Variants in CRTAC1 observed in about 807,000 individuals in gnomAD.
CRTAC1 encodes the protein cartilage acidic protein 1, also known as acidic secreted protein in cartilage.
Under a neutral mutation model 67.8 loss-of-function variants are expected in CRTAC1, and 37 were observed. The ratio of observed to expected loss-of-function variants is 0.55; its 90% confidence interval spans 0.42 to 0.72. The LOEUF (loss-of-function observed/expected upper bound fraction) is 0.72, where lower values mean the gene tolerates loss of function less well. CRTAC1 is among the 30% of genes least tolerant of loss of function. CRTAC1 has a pLI of 0.00. For synonymous variants in CRTAC1, 348 were observed against 371.0 expected, an observed-to-expected ratio of 0.94 and a Z score of 0.71; for missense variants, 780 against 931.6, an observed-to-expected ratio of 0.84 and a Z score of 2.12.
intron 3 of CRTAC1, among the ~76,000 whole-genome samples, chr10:97,925,543 G>A (rs1248086623): frequency 6.6e-6 from 1 of 150,890 alleles, no homozygotes; most frequent in Admixed American, 6.6e-5. Context: ...AGGAGTCAGA[G>A]TGAGTGTTGA....
At chr10:97,923,190 G>C (rs2136596112) in intron 4 of CRTAC1, 74 bp downstream of exon 4, 2 of 1,570,592 alleles carry the variant, frequency 1.3e-6, no homozygotes, top group Non-Finnish European at 1.7e-6. Context: ...TCTGTCAGGG[G>C]ACGTCTACAC....
intron 1 of CRTAC1, among the ~76,000 whole-genome samples, chr10:98,018,199 C>CAAAAAAAAAAAAAAAAAAA (rs71007373): frequency 2.1e-5 from 1 of 48,654 alleles, no homozygotes; most frequent in Non-Finnish European, 3.3e-5. Flanking sequence ...AAGATGCCCG[C>CAAAAAAAAAAAAAAAAAAA]AAAAAAAAAA....
chr10:97,959,010 T>TGCA (rs1349064079), intron 2 of CRTAC1, among the ~76,000 whole-genome samples: 1 of 152,198 alleles, frequency 6.6e-6, no homozygotes, highest in African/African-American at 2.4e-5. Flanking sequence ...GTGTCAGGCC[T>TGCA]GCAGCAGCAG....
In CRTAC1 at chr10:98,029,521, GGCGGCGGCA is replaced by G. The variant is rs199645822; in HGVS notation, c.24+919_24+927del. On this transcript the variant is annotated intron_variant, in intron 1 of 14. Coordinates refer to ENST00000370597, the MANE Select transcript of CRTAC1 (RefSeq NM_018058.7). This position sits in a 1 kb window ranked among gnomAD's most constrained non-coding sequence, Gnocchi z 4.7. Reference sequence around the variant, plus strand: ...CGGCGGCGGCGGCGGCGGCGGCGGCGGCGGCGGCAGCAGCAGCAATATTCATTAGTCATT... The same window carrying G: ...CGGCGGCGGCGGCGGCGGCGGCGGCGGCAGCAGCAATATTCATTAGTCATT... Among the ~76,000 whole-genome samples the G allele has an allele frequency of 0.017, 2,299 of 136,674 alleles. 50 individuals carry two copies. Among genetic ancestry groups the G allele is most frequent in the African/African-American group, 0.067 (1,858 of 27,590 alleles). The allele number at this position is 136,674 out of a possible 152,430, so 89.7% of individuals were successfully genotyped here.
At chr10:97,875,484 G>A (rs1273291817) in intron 14 of CRTAC1, among the ~76,000 whole-genome samples, 11 of 152,246 alleles carry the variant, frequency 7.2e-5, no homozygotes, top group Admixed American at 6.5e-5. Context: ...CATCTGTGGT[G>A]TTAACCAGCC....
chr10:98,028,569 GCGCAGCCA>G (rs1213385803), intron 1 of CRTAC1, among the ~76,000 whole-genome samples: 2 of 152,190 alleles, frequency 1.3e-5, no homozygotes, highest in Non-Finnish European at 2.9e-5. Flanking sequence ...GGGCACCCCT[GCGCAGCCA>G]TAGGACGTCT....
intron 2 of CRTAC1, among the ~76,000 whole-genome samples, chr10:97,947,976 G>T (rs1049605646): frequency 1.3e-5 from 2 of 152,092 alleles, no homozygotes; most frequent in Non-Finnish European, 2.9e-5. Context: ...TCCGTGCAGG[G>T]TATACTGTTA....
At position 97,908,159 on chromosome 10, in the gene CRTAC1, A is replaced by G; in HGVS notation, c.716-12T>C. On this transcript the variant is annotated splice_polypyrimidine_tract_variant and intron_variant, in intron 5 of 14. Coordinates refer to ENST00000370597, the MANE Select transcript of CRTAC1 (RefSeq NM_018058.7). ...GACGCCTCGGCCCCCTAGAAAAGAC[A>G]TCGACCCACAGTGAGTGGCAGAAGC... 6.2e-7 allele frequency: 1 copy of G among 1,613,834 alleles called. No homozygotes were observed. Among genetic ancestry groups the G allele is most frequent in the East Asian group, 2.2e-5 (1 of 44,876 alleles).
intron 2 of CRTAC1, among the ~76,000 whole-genome samples, chr10:97,976,393 T>C (rs1219579815): frequency 1.3e-5 from 2 of 152,098 alleles, no homozygotes; most frequent in Non-Finnish European, 2.9e-5. Flanking sequence ...CTGAGGCAGG[T>C]TTCCTGATCT....
At chr10:97,969,224 G>A (rs2051667326) in intron 2 of CRTAC1, among the ~76,000 whole-genome samples, 1 of 152,196 alleles carries the variant, frequency 6.6e-6, no homozygotes, top group African/African-American at 2.4e-5. Context: ...ACCCTTGAAA[G>A]TGAGGCTTCT....
chr10:97,913,133 AGAG>A (rs2136581853), intron 5 of CRTAC1, among the ~76,000 whole-genome samples: 1 of 151,704 alleles, frequency 6.6e-6, no homozygotes, highest in African/African-American at 2.4e-5. Flanking sequence ...AGAGAGAGAG[AGAG>A]TGTGTGTGTG....
intron 2 of CRTAC1, among the ~76,000 whole-genome samples, chr10:97,946,520 G>A (rs982547935): frequency 6.6e-6 from 1 of 152,152 alleles, no homozygotes; most frequent in African/African-American, 2.4e-5. Flanking sequence ...GCTCAGGGTG[G>A]GTCACCTGTC....
At chr10:97,967,376 A>G (rs1163735910) in intron 2 of CRTAC1, among the ~76,000 whole-genome samples, 1 of 152,114 alleles carries the variant, frequency 6.6e-6, no homozygotes, top group Non-Finnish European at 1.5e-5. Flanking sequence ...CTCCAGGCTC[A>G]CTTTGTATAT....
chr10:97,965,024 G>A (rs777241938), intron 2 of CRTAC1, among the ~76,000 whole-genome samples: 59 of 152,078 alleles, frequency 3.9e-4, no homozygotes, highest in Non-Finnish European at 6.0e-4. Context: ...TTCAACATGC[G>A]CACAGATGAA....
At chr10:98,007,336 C>T (rs1842810970) in intron 2 of CRTAC1, among the ~76,000 whole-genome samples, 1 of 152,166 alleles carries the variant, frequency 6.6e-6, no homozygotes, top group African/African-American at 2.4e-5. Context: ...CTGTATAGTC[C>T]ACTTTTGGTT....
At chr10:97,948,728 ATGC>A (rs2051303880) in intron 2 of CRTAC1, among the ~76,000 whole-genome samples, 1 of 152,222 alleles carries the variant, frequency 6.6e-6, no homozygotes, top group Non-Finnish European at 1.5e-5. Context: ...GTTCATTCTC[ATGC>A]TGCTATAAAG....
chr10:98,008,430 T>TG lies in CRTAC1; in HGVS notation c.224+2707dup, dbSNP rs534560641. On this transcript the variant is annotated intron_variant, in intron 2 of 14. Transcript: ENST00000370597. ...GAGTACAAAAGAGTGGGGGGTGGGGTGGGGGGGCACCCAACGGGTCTCCTG... is the reference window on the plus strand; with the variant it reads ...GAGTACAAAAGAGTGGGGGGTGGGGTGGGGGGGGCACCCAACGGGTCTCCTG... 1.1e-3 allele frequency among the ~76,000 whole-genome samples: 50 copies of TG among 46,054 alleles called. No homozygotes were observed. In the South Asian group the frequency reaches 0.018, roughly 16 times the overall value. 30.2% of individuals were successfully genotyped at this position (46,054 alleles called of 152,430 possible). A position where few individuals can be genotyped will look rare whatever the true frequency, so the allele number is the denominator to read the frequency against.
At chr10:97,956,572 A>G (rs114724104) in intron 2 of CRTAC1, among the ~76,000 whole-genome samples, 1,932 of 146,240 alleles carry the variant, frequency 0.013, 47 homozygotes, top group African/African-American at 0.044. Flanking sequence ...GATTAAGCAA[A>G]GCAAAACAAA....
intron 2 of CRTAC1, among the ~76,000 whole-genome samples, chr10:97,987,177 C>T (rs535773473): frequency 3.3e-5 from 5 of 152,288 alleles, no homozygotes; most frequent in Non-Finnish European, 1.5e-5. Context: ...TTATGAATCT[C>T]GCATTTGAGA....
Sources: allele counts gnomAD v4.1 joint callset (sites outside exome capture counted in the v4.1 genomes callset), GRCh38; gene constraint gnomAD v4.1.1; non-coding constraint Gnocchi (gnomAD v3.1); transcripts MANE v1.5; gene names NCBI Gene and HGNC (gene_info 2026-07-23, HGNC 2026-07-21).